KYAT3: variants seen among roughly 807,000 people sequenced by gnomAD.
KYAT3 encodes kynurenine--oxoglutarate transaminase 3.
KYAT3 carries 50 observed loss-of-function variants against 59.0 expected under a neutral mutation model. The observed-to-expected ratio is 0.85, with a 90% CI of 0.68 to 1.07. The LOEUF (loss-of-function observed/expected upper bound fraction) is 1.07, where lower values mean the gene tolerates loss of function less well. KYAT3 is among the 50% of genes least tolerant of loss of function. KYAT3 has a pLI of 0.00. For missense variants in KYAT3, 497 were observed against 533.3 expected (o/e 0.93, Z 0.67); for synonymous variants, 148 against 177.0 (o/e 0.84, Z 1.30).
downstream of KYAT3, among the ~76,000 whole-genome samples, chr1:88,932,111 A>G (rs1181935400): frequency 1.3e-5 from 2 of 152,160 alleles, no homozygotes; most frequent in Non-Finnish European, 2.9e-5. Flanking sequence ...GCAAAGCTTC[A>G]ATGATCACAG....
chr1:88,953,430 C>A (rs1675762850), intron 9 of KYAT3, among the ~76,000 whole-genome samples: 3 of 151,676 alleles, frequency 2.0e-5, no homozygotes, highest in Non-Finnish European at 4.4e-5. Context: ...CCTGTAATCC[C>A]AGCTACTTGG....
At chr1:88,925,404 C>A in the KYAT3 span, among the ~76,000 whole-genome samples, 1 of 152,194 alleles carries the variant, frequency 6.6e-6, no homozygotes, top group African/African-American at 2.4e-5. Flanking sequence ...CTGATCCCTG[C>A]CTCCTAGGTA....
At position 88,955,141 on chromosome 1, in the gene KYAT3, C is replaced by T. The variant is rs777542818; in HGVS notation, c.864+8G>A. On this transcript the variant is annotated splice_region_variant and intron_variant, in intron 9 of 13. Transcript: ENST00000260508. ...ATTTTTAAGCAATTAAATTCTTACT[C>T]ATCTTACCTTCCAGCCAGTTACACT... 2 of 1,570,090 alleles carry T rather than the reference C, an allele frequency of 1.3e-6. No homozygotes were observed. Among genetic ancestry groups the T allele is most frequent in the Non-Finnish European group, 1.8e-6 (2 of 1,140,490 alleles).
chr1:88,976,556 T>C (rs1448099257), intron 2 of KYAT3, among the ~76,000 whole-genome samples: 1 of 152,262 alleles, frequency 6.6e-6, no homozygotes, highest in Non-Finnish European at 1.5e-5. Flanking sequence ...TACTGGTTTA[T>C]GTATTTACTA....
chr1:88,968,641 C>T, intron 4 of KYAT3, 29 bp downstream of exon 4: 2 of 1,513,436 alleles, frequency 1.3e-6, no homozygotes, highest in Non-Finnish European at 1.8e-6. Context: ...AATAAAAGCT[C>T]ATGGCCCATA....
chr1:88,983,879 A>G (rs982465704), intron 2 of KYAT3: 11 of 1,610,178 alleles, frequency 6.8e-6, no homozygotes, highest in Middle Eastern at 1.6e-4. Context: ...AGCTCCAACA[A>G]GCTCGCCGAC....
At chr1:88,954,744 T>A (rs1675833608) in intron 9 of KYAT3, among the ~76,000 whole-genome samples, 1 of 152,232 alleles carries the variant, frequency 6.6e-6, no homozygotes, top group Non-Finnish European at 1.5e-5. Flanking sequence ...ACTGAATATG[T>A]ATGCAATGAT....
chr1:88,973,418 G>A (rs1676635102), intron 2 of KYAT3, among the ~76,000 whole-genome samples: 1 of 152,208 alleles, frequency 6.6e-6, no homozygotes, highest in African/African-American at 2.4e-5. Flanking sequence ...AGATGCAAAT[G>A]CTCACTGTCT....
the KYAT3 span, among the ~76,000 whole-genome samples, chr1:88,926,757 C>T: frequency 1.3e-5 from 2 of 152,324 alleles, no homozygotes; most frequent in East Asian, 1.9e-4. Context: ...GCTGTTTGCA[C>T]TTAGCCGAGC....
chr1:88,929,628 C>T, the KYAT3 span, among the ~76,000 whole-genome samples: 1 of 152,194 alleles, frequency 6.6e-6, no homozygotes, highest in Non-Finnish European at 1.5e-5. Flanking sequence ...CGTTCAGAAA[C>T]CTTTTGCCAC....
chr1:88,931,630 G>T (rs545231010), downstream of KYAT3, among the ~76,000 whole-genome samples: 3 of 152,146 alleles, frequency 2.0e-5, no homozygotes, highest in South Asian at 6.2e-4. Context: ...AGGCTAGCTG[G>T]GAAGGTGACC....
chr1:88,936,237 GCTGT>G lies in KYAT3; in HGVS notation c.1307_1310del (p.Asp436AlafsTer25), dbSNP rs757568931. The G allele has an allele frequency of 1.3e-5, 21 of 1,605,806 alleles. No individual in the cohort carries two copies. Among genetic ancestry groups the G allele is most frequent in the East Asian group, 2.2e-5 (1 of 44,780 alleles). On this transcript the variant is annotated frameshift_variant, in exon 14 of 14. Coordinates refer to ENST00000260508, the MANE Select transcript of KYAT3 (RefSeq NM_001008661.3). LOFTEE classifies it high-confidence loss of function. ...TGATTTCTTCAGCAGCATCCAGTGT[GCTGT>G]CTTTCTGTAAATTAATGAAATAATC...
chr1:88,974,976 GTCC>G (rs1381665646), intron 2 of KYAT3, among the ~76,000 whole-genome samples: 1 of 152,184 alleles, frequency 6.6e-6, no homozygotes, highest in Non-Finnish European at 1.5e-5. Context: ...GGGGCAACCT[GTCC>G]GGGTCCCCTT....
At chr1:88,985,463 A>C (rs1677399436) in intron 2 of KYAT3, among the ~76,000 whole-genome samples, 1 of 152,198 alleles carries the variant, frequency 6.6e-6, no homozygotes, top group African/African-American at 2.4e-5. Flanking sequence ...TCTGTGTTCA[A>C]TCCCTCACAC....
intron 11 of KYAT3, among the ~76,000 whole-genome samples, chr1:88,943,952 G>A (rs527415793): frequency 6.6e-6 from 1 of 151,474 alleles, no homozygotes; most frequent in South Asian, 2.1e-4. Context: ...TTAATATTAT[G>A]CATTATTTAT....
At chr1:88,929,923 G>T in the KYAT3 span, among the ~76,000 whole-genome samples, 3 of 152,198 alleles carry the variant, frequency 2.0e-5, no homozygotes, top group African/African-American at 7.2e-5. Flanking sequence ...AGGAAACTCA[G>T]AAAGCCAATA....
chr1:88,922,767 C>G, the KYAT3 span, among the ~76,000 whole-genome samples: 1 of 152,204 alleles, frequency 6.6e-6, no homozygotes, highest in African/African-American at 2.4e-5. Flanking sequence ...TCTGACCCTT[C>G]TTCCAACCAA....
At chr1:88,980,073 G>A (rs1382268890) in intron 2 of KYAT3, 1 of 152,138 alleles carries the variant, frequency 6.6e-6, no homozygotes, top group Non-Finnish European at 1.5e-5. Flanking sequence ...AAAAGTACAT[G>A]CTACACAATC....
At chr1:88,928,335 C>A in the KYAT3 span, among the ~76,000 whole-genome samples, 1 of 151,714 alleles carries the variant, frequency 6.6e-6, no homozygotes. Context: ...AACTTGGCAA[C>A]GTTGGTTTTT....
Sources: gnomAD v4.1 joint callset for allele counts (sites outside exome capture counted in the v4.1 genomes callset) on GRCh38, gnomAD v4.1.1 for gene constraint, MANE v1.5 for transcripts, NCBI Gene and HGNC (gene_info 2026-07-23, HGNC 2026-07-21) for gene names.